DIS3L2: variants seen among roughly 807,000 people sequenced by gnomAD.
The protein encoded by DIS3L2 is DIS3-like exonuclease 2.
DIS3L2 carries 34 observed loss-of-function variants against 97.5 expected under a neutral mutation model. That is an observed-to-expected ratio of 0.35 (90% CI 0.27 to 0.46). The LOEUF is 0.46. Ranked by LOEUF, DIS3L2 falls within the 20% of genes least tolerant of loss-of-function variation. The pLI is 1.00. For synonymous variants in DIS3L2, 435 were observed against 445.2 expected (o/e 0.98, Z 0.29); for missense variants, 1,038 against 1,146.0 (o/e 0.91, Z 1.36).
intron 1 of DIS3L2, among the ~76,000 whole-genome samples, chr2:231,971,925 G>C (rs1273018644): frequency 6.7e-6 from 1 of 148,530 alleles, no homozygotes; most frequent in Non-Finnish European, 1.5e-5. Context: ...GGTGGCTCAC[G>C]CCTGTAATCC....
intron 10 of DIS3L2, among the ~76,000 whole-genome samples, chr2:232,218,717 T>C (rs1205661123): frequency 6.6e-6 from 1 of 152,212 alleles, no homozygotes; most frequent in African/African-American, 2.4e-5. Context: ...CCTTTTCCTC[T>C]CCAGACTGTT....
intron 9 of DIS3L2, among the ~76,000 whole-genome samples, chr2:232,165,734 A>G (rs1690785690): frequency 6.6e-6 from 1 of 152,090 alleles, no homozygotes; most frequent in Non-Finnish European, 1.5e-5. Flanking sequence ...TGCTATGTTG[A>G]GCAGGCTGGT....
At chr2:232,086,615 A>ATATATATATATACACATATATATATG (rs1553605998) in intron 5 of DIS3L2, among the ~76,000 whole-genome samples, 14 of 54,528 alleles carry the variant, frequency 2.6e-4, no homozygotes, top group African/African-American at 7.6e-4. Context: ...GTGTGTGTGT[A>ATATATATATATACACATATATATATG]TATATATATA....
At chr2:232,132,735 C>T (rs1406205840) in intron 7 of DIS3L2, among the ~76,000 whole-genome samples, 1 of 152,158 alleles carries the variant, frequency 6.6e-6, no homozygotes, top group Non-Finnish European at 1.5e-5. Flanking sequence ...GGGTTTCCTT[C>T]CTCACCGGAC....
chr2:232,155,332 C>T (rs1005922434), intron 8 of DIS3L2, among the ~76,000 whole-genome samples: 5 of 152,118 alleles, frequency 3.3e-5, no homozygotes, highest in Admixed American at 2.0e-4. Flanking sequence ...CTCCCTCCTC[C>T]TCACCCTCCC....
At chr2:232,086,611 G>GTATATATATA (rs1445271893) in intron 5 of DIS3L2, among the ~76,000 whole-genome samples, 5 of 58,052 alleles carry the variant, frequency 8.6e-5, no homozygotes, top group East Asian at 3.0e-4. Context: ...ATGTGTGTGT[G>GTATATATATA]TGTATATATA....
At chr2:232,163,682 C>A in intron 9 of DIS3L2, 50 bp downstream of exon 9, 1 of 1,572,608 alleles carries the variant, frequency 6.4e-7, no homozygotes, top group Non-Finnish European at 8.6e-7. Context: ...TCTGCCTTAA[C>A]TTTCCTAGGG....
intron 10 of DIS3L2, among the ~76,000 whole-genome samples, chr2:232,212,354 A>G (rs7571816): frequency 0.08 from 12,118 of 152,234 alleles, 1,279 homozygotes; most frequent in East Asian, 0.5. Context: ...CAATTGCTTC[A>G]TTTGTTTTGT....
intron 12 of DIS3L2, among the ~76,000 whole-genome samples, chr2:232,257,244 G>T (rs905402834): frequency 2.0e-5 from 3 of 152,170 alleles, no homozygotes; most frequent in Non-Finnish European, 4.4e-5. Flanking sequence ...TTGTGGAGTA[G>T]CCTCTTGTTT....
chr2:232,119,155 A>G (rs989354236), intron 6 of DIS3L2, among the ~76,000 whole-genome samples: 2 of 152,240 alleles, frequency 1.3e-5, no homozygotes, highest in African/African-American at 4.8e-5. Flanking sequence ...GGCTTGGAAC[A>G]TAAGAGAGAT....
At chr2:232,301,511 G>T (rs1171535634) in intron 14 of DIS3L2, among the ~76,000 whole-genome samples, 2 of 152,174 alleles carry the variant, frequency 1.3e-5, no homozygotes, top group African/African-American at 4.8e-5. Context: ...GCTGTTTAGG[G>T]TAGAAGAGAG....
intron 5 of DIS3L2, among the ~76,000 whole-genome samples, chr2:232,062,289 A>G (rs1479345266): frequency 6.6e-6 from 1 of 152,158 alleles, no homozygotes; most frequent in Non-Finnish European, 1.5e-5. Flanking sequence ...CGAGGCTGGA[A>G]TCTTAGGTGT....
intron 6 of DIS3L2, among the ~76,000 whole-genome samples, chr2:232,109,457 A>G (rs116674389): frequency 3.5e-3 from 527 of 152,150 alleles, no homozygotes; most frequent in African/African-American, 0.012. Context: ...ATAAAAATAA[A>G]TAAATAAAAA....
intron 9 of DIS3L2, among the ~76,000 whole-genome samples, chr2:232,188,896 C>T (rs753603550): frequency 3.3e-5 from 5 of 152,090 alleles, no homozygotes; most frequent in Admixed American, 2.0e-4. Flanking sequence ...CCAAAGCAAT[C>T]CAATTAGAAA....
At chr2:232,231,411 C>A (rs1692789566) in intron 10 of DIS3L2, among the ~76,000 whole-genome samples, 1 of 152,204 alleles carries the variant, frequency 6.6e-6, no homozygotes, top group Non-Finnish European at 1.5e-5. Flanking sequence ...AAGCACCTAG[C>A]CCTGCTTCAC....
At chr2:232,000,313 A>G (rs1189189425) in intron 1 of DIS3L2, among the ~76,000 whole-genome samples, 2 of 152,190 alleles carry the variant, frequency 1.3e-5, no homozygotes, top group African/African-American at 4.8e-5. Flanking sequence ...ACTGTATACA[A>G]TATATTGTTA....
intron 1 of DIS3L2, among the ~76,000 whole-genome samples, chr2:232,004,870 C>T (rs1694008288): frequency 6.6e-6 from 1 of 152,210 alleles, no homozygotes; most frequent in Non-Finnish European, 1.5e-5. Flanking sequence ...GCATGAGCCA[C>T]TACACCTGGT....
rs187372223 is a variant in DIS3L2, at chr2:231,997,449, A to G, written c.-93-17386A>G. Among the ~76,000 whole-genome samples the G allele has an allele frequency of 3.2e-4, 49 of 152,376 alleles. No homozygotes were observed. The East Asian group carries it at 9.1e-3, about 28-fold the overall frequency. On this transcript the variant is annotated intron_variant, in intron 1 of 20. Coordinates refer to ENST00000325385, the MANE Select transcript of DIS3L2 (RefSeq NM_152383.5). Reference sequence around the variant, plus strand: ...CTTTATTTGAGCTTGCAGCTAATAAATCTGTTTTGGCTCATATGAAACAGG... The same window carrying G: ...CTTTATTTGAGCTTGCAGCTAATAAGTCTGTTTTGGCTCATATGAAACAGG...
At chr2:232,232,590 T>G (rs1348429218) in intron 10 of DIS3L2, among the ~76,000 whole-genome samples, 1 of 152,092 alleles carries the variant, frequency 6.6e-6, no homozygotes. Flanking sequence ...TGGGTATCAC[T>G]TTTGGTTTAG....
Sources: gnomAD v4.1 joint callset for allele counts (sites outside exome capture counted in the v4.1 genomes callset) on GRCh38, gnomAD v4.1.1 for gene constraint, MANE v1.5 for transcripts, NCBI Gene and HGNC (gene_info 2026-07-23, HGNC 2026-07-21) for gene names.